ZFHX3: variants seen among roughly 807,000 people sequenced by gnomAD.
ZFHX3 encodes zinc finger homeobox protein 3.
A neutral mutation model predicts 279.1 loss-of-function variants in ZFHX3; 42 were observed. The observed-to-expected ratio is 0.15, with a 90% CI of 0.12 to 0.19. The LOEUF (loss-of-function observed/expected upper bound fraction) is 0.19. Among genes scored for constraint, ZFHX3 ranks in the 10% least tolerant of loss-of-function variants. The probability of loss-of-function intolerance (pLI) is 1.00; values close to 1 mark genes in which losing one functional copy is unlikely to be tolerated. For synonymous variants in ZFHX3, 2,293 were observed against 1,957.8 expected (o/e 1.17, Z -4.52); for missense variants, 4,981 against 4,754.0 (o/e 1.05, Z -1.40).
chr16:73,292,191 T>C (rs1189822504), intron 4 of ZFHX3, among the ~76,000 whole-genome samples: 1 of 152,206 alleles, frequency 6.6e-6, no homozygotes, highest in Non-Finnish European at 1.5e-5. Flanking sequence ...AGGAAATTTA[T>C]TATTAACAAG....
chr16:72,787,670 T>C lies in ZFHX3; in HGVS notation c.10606A>G (p.Ser3536Gly). ...GGSYHCLACE[S>G]ALCGEEALSQ... Reference sequence around the variant, plus strand: ...AGAGCTTCCTCCCCACAGAGCGCGCTCTCGCACGCCAGGCAGTGGTACGAG... The same window carrying C: ...AGAGCTTCCTCCCCACAGAGCGCGCCCTCGCACGCCAGGCAGTGGTACGAG... Residue 3536 changes from serine to glycine, a missense_variant, in exon 10 of 10, where the codon AGC (serine) becomes GGC (glycine). Coordinates refer to ENST00000268489, the MANE Select transcript of ZFHX3 (RefSeq NM_006885.4). 6.4e-7 allele frequency: 1 copy of C among 1,561,014 alleles called. No homozygotes were observed.
chr16:73,075,150 C>T (rs1194049545), intron 8 of ZFHX3, among the ~76,000 whole-genome samples: 2 of 152,038 alleles, frequency 1.3e-5, no homozygotes, highest in Non-Finnish European at 1.5e-5. Flanking sequence ...CTATTATTAC[C>T]TACTAAAAGG....
intron 2 of ZFHX3, among the ~76,000 whole-genome samples, chr16:73,505,313 T>C (rs563550501): frequency 1.3e-5 from 2 of 152,210 alleles, no homozygotes; most frequent in African/African-American, 4.8e-5. Flanking sequence ...AATAACAAAA[T>C]GCTCGCCTCC....
chr16:73,354,399 A>C (rs1359877982), intron 3 of ZFHX3, among the ~76,000 whole-genome samples: 1 of 152,106 alleles, frequency 6.6e-6, no homozygotes, highest in Non-Finnish European at 1.5e-5. Flanking sequence ...CAAATTCTTA[A>C]CTGGCTGCAA....
At chr16:73,524,601 G>A (rs926324183) in intron 2 of ZFHX3, among the ~76,000 whole-genome samples, 3 of 152,210 alleles carry the variant, frequency 2.0e-5, no homozygotes, top group Non-Finnish European at 4.4e-5. Context: ...AGCACTCAAC[G>A]CATCTCATTT....
chr16:73,741,109 G>A (rs2053653879), intron 1 of ZFHX3, among the ~76,000 whole-genome samples: 1 of 139,414 alleles, frequency 7.2e-6, no homozygotes, highest in East Asian at 2.2e-4. Flanking sequence ...TTGGCTCACT[G>A]CAACCTCTGC....
At chr16:73,582,101 G>A (rs1217717826) in intron 2 of ZFHX3, among the ~76,000 whole-genome samples, 1 of 151,842 alleles carries the variant, frequency 6.6e-6, no homozygotes, top group East Asian at 1.9e-4. Flanking sequence ...TATACTATAA[G>A]AGATGATACA....
chr16:72,909,664 C>T (rs1385671520), intron 3 of ZFHX3, among the ~76,000 whole-genome samples: 1 of 152,008 alleles, frequency 6.6e-6, no homozygotes, highest in African/African-American at 2.4e-5. Context: ...ATCGCTTGAG[C>T]TCAGGAGTTC....
In ZFHX3 at chr16:73,295,653, G is replaced by A. The variant is rs80056199; in HGVS notation, c.-1194+22587C>T. ...TTGATTTTCAGTTAATGGCACAGATGGGAAGCTGCTGTGAAGCGCCTGATG... is the reference window on the plus strand; with the variant it reads ...TTGATTTTCAGTTAATGGCACAGATAGGAAGCTGCTGTGAAGCGCCTGATG... On this transcript the variant is annotated intron_variant, in intron 4 of 17. Coordinates refer to the ZFHX3 transcript ENST00000641206. Among the ~76,000 whole-genome samples, 547 of 152,312 alleles carry A rather than the reference G, an allele frequency of 3.6e-3. 7 individuals carry two copies. The highest frequency in any genetic ancestry group is 0.012 in the African/African-American group (506 of 41,562).
chr16:72,787,631 C>G lies in ZFHX3; in HGVS notation c.10645G>C (p.Glu3549Gln), dbSNP rs773606987. Reference protein sequence around the residue: ...CGEEALSQHLESALHKHRTIT... With the variant: ...CGEEALSQHLQSALHKHRTIT... ...GTTCTGTGTTTGTGCAAGGCCGACT[C>G]GAGATGTTGACTCAGAGCTTCCTCC... The change falls in exon 10 of 10, where the codon GAG becomes CAG. Residue 3549 changes from glutamate to glutamine, a missense_variant. Transcript: ENST00000268489. The G allele has an allele frequency of 2.2e-5, 35 of 1,612,286 alleles. No individual in the cohort carries two copies. The East Asian group carries it at 7.2e-4, about 33-fold the overall frequency.
At chr16:73,288,197 G>A (rs1471945790) in intron 4 of ZFHX3, among the ~76,000 whole-genome samples, 1 of 151,926 alleles carries the variant, frequency 6.6e-6, no homozygotes, top group African/African-American at 2.4e-5. Flanking sequence ...GAGAGAAGGG[G>A]GACTTTGGGG....
intron 3 of ZFHX3, among the ~76,000 whole-genome samples, chr16:73,410,525 G>A (rs2017445132): frequency 6.6e-6 from 1 of 152,240 alleles, no homozygotes; most frequent in African/African-American, 2.4e-5. Flanking sequence ...TTACCCTGAT[G>A]TGGTTATTAT....
intron 3 of ZFHX3, among the ~76,000 whole-genome samples, chr16:73,432,347 A>G (rs897014186): frequency 1.3e-5 from 2 of 152,200 alleles, no homozygotes; most frequent in Non-Finnish European, 2.9e-5. Flanking sequence ...GAGTTAGCAT[A>G]TAACTCCATT....
intron 3 of ZFHX3, among the ~76,000 whole-genome samples, chr16:72,938,648 A>G (rs1035374910): frequency 1.3e-5 from 2 of 152,202 alleles, no homozygotes; most frequent in Non-Finnish European, 2.9e-5. Context: ...GCACGCCCCC[A>G]AGGCATGAGT....
chr16:73,420,905 A>AT (rs1342464628), intron 3 of ZFHX3: 4 of 152,052 alleles, frequency 2.6e-5, no homozygotes, highest in Non-Finnish European at 5.9e-5. Context: ...TTATCTTTGT[A>AT]TTTTTTTCCC....
At chr16:73,477,642 C>A (rs1327298347) in intron 2 of ZFHX3, among the ~76,000 whole-genome samples, 1 of 152,202 alleles carries the variant, frequency 6.6e-6, no homozygotes, top group Non-Finnish European at 1.5e-5. Flanking sequence ...CTGCACACCA[C>A]GGGCCCCAGC....
intron 2 of ZFHX3, among the ~76,000 whole-genome samples, chr16:73,655,733 G>A (rs551398577): frequency 4.6e-5 from 7 of 152,272 alleles, no homozygotes; most frequent in African/African-American, 1.7e-4. Context: ...AAGCTGCTGA[G>A]TGACAGGAAT....
chr16:73,491,853 C>T (rs1304109838), intron 2 of ZFHX3, among the ~76,000 whole-genome samples: 1 of 152,112 alleles, frequency 6.6e-6, no homozygotes, highest in Non-Finnish European at 1.5e-5. Flanking sequence ...ATCAGACACC[C>T]ATCTCAACTG....
At chr16:72,924,581 T>C (rs951831319) in intron 3 of ZFHX3, among the ~76,000 whole-genome samples, 4 of 151,916 alleles carry the variant, frequency 2.6e-5, no homozygotes, top group African/African-American at 9.7e-5. Context: ...CGAATGAGGG[T>C]GAGATGGTAC....
Sources: gnomAD v4.1 joint callset for allele counts (sites outside exome capture counted in the v4.1 genomes callset) on GRCh38, gnomAD v4.1.1 for gene constraint, MANE v1.5 for transcripts, NCBI Gene and HGNC (gene_info 2026-07-23, HGNC 2026-07-21) for gene names.